Variants in GALNT13 observed in about 807,000 individuals in gnomAD.
GALNT13 encodes polypeptide N-acetylgalactosaminyltransferase 13.
A neutral mutation model predicts 64.2 loss-of-function variants in GALNT13; 28 were observed. The observed-to-expected ratio is 0.44, with a 90% confidence interval of 0.32 to 0.60. The LOEUF is 0.60. GALNT13 is among the 20% of genes least tolerant of loss of function. The pLI is 0.05. For synonymous variants in GALNT13, 214 were observed against 224.6 expected, an observed-to-expected ratio of 0.95 and a Z score of 0.42; for missense variants, 577 against 669.8, an observed-to-expected ratio of 0.86 and a Z score of 1.53.
At chr2:153,801,925 T>G in the GALNT13 span, among the ~76,000 whole-genome samples, 1 of 152,212 alleles carries the variant, frequency 6.6e-6, no homozygotes, top group Non-Finnish European at 1.5e-5. Context: ...TCCTGTGTCT[T>G]TCTGCTTCTA....
rs150167317 is a variant in GALNT13 at position 154,112,395 on chromosome 2, A to G, written c.143-27942A>G. On this transcript the variant is annotated intron_variant, in intron 3 of 12. Coordinates refer to ENST00000392825, the MANE Select transcript of GALNT13 (RefSeq NM_052917.4). ...TGGTGTCCACAGAACGGGTCATCCT[A>G]TTGACTTGATTATTAAAATCCTCCT... is the stretch of plus-strand genomic sequence containing the variant. Among the ~76,000 whole-genome samples, 14 of 152,282 alleles carry G rather than the reference A, an allele frequency of 9.2e-5. No homozygotes were observed. In the East Asian group the frequency reaches 2.7e-3, roughly 29 times the overall value.
chr2:154,226,270 C>T (rs1317314145), intron 4 of GALNT13, among the ~76,000 whole-genome samples: 1 of 152,108 alleles, frequency 6.6e-6, no homozygotes, highest in Non-Finnish European at 1.5e-5. Flanking sequence ...TACAAATTCT[C>T]ACCTTAAGTG....
At chr2:154,068,932 A>C (rs1700604357) in intron 3 of GALNT13, among the ~76,000 whole-genome samples, 2 of 151,958 alleles carry the variant, frequency 1.3e-5, no homozygotes, top group African/African-American at 4.8e-5. Flanking sequence ...AGAAAAGATA[A>C]ATGCTTGAGG....
chr2:154,191,254 C>A (rs1297972237), intron 4 of GALNT13, among the ~76,000 whole-genome samples: 1 of 152,164 alleles, frequency 6.6e-6, no homozygotes, highest in African/African-American at 2.4e-5. Context: ...CACACATTTG[C>A]ACGCGCACGC....
At chr2:154,261,785 T>C (rs1690710869) in intron 8 of GALNT13, among the ~76,000 whole-genome samples, 1 of 152,026 alleles carries the variant, frequency 6.6e-6, no homozygotes, top group Admixed American at 6.6e-5. Flanking sequence ...AGGTTTTTTG[T>C]CTCTGTCATG....
At chr2:153,677,284 TACACACAC>T in the GALNT13 span, among the ~76,000 whole-genome samples, 116 of 144,758 alleles carry the variant, frequency 8.0e-4, 1 homozygote, top group South Asian at 2.5e-3. Context: ...ACAATAGACA[TACACACAC>T]ACACACACAC....
At chr2:153,466,839 A>G in the GALNT13 span, among the ~76,000 whole-genome samples, 1 of 152,034 alleles carries the variant, frequency 6.6e-6, no homozygotes, top group Non-Finnish European at 1.5e-5. Context: ...TTGTATCTAA[A>G]TGTGGTCAAT....
intron 3 of GALNT13, among the ~76,000 whole-genome samples, chr2:153,955,924 C>T (rs1692534234): frequency 6.6e-6 from 1 of 152,154 alleles, no homozygotes; most frequent in Admixed American, 6.5e-5. Context: ...AGGCAGCACA[C>T]TACCGTAGCA....
At chr2:153,819,762 G>A in the GALNT13 span, among the ~76,000 whole-genome samples, 1 of 152,174 alleles carries the variant, frequency 6.6e-6, no homozygotes, top group Admixed American at 6.5e-5. Context: ...GAAGTGCATA[G>A]GGCTTTACAA....
intron 3 of GALNT13, among the ~76,000 whole-genome samples, chr2:154,110,095 T>G (rs1304972561): frequency 6.6e-6 from 1 of 151,710 alleles, no homozygotes; most frequent in Admixed American, 6.6e-5. Flanking sequence ...AGTGAAGGCA[T>G]CATCAGGTTT....
chr2:153,229,504 C>T, the GALNT13 span, among the ~76,000 whole-genome samples: 1 of 152,152 alleles, frequency 6.6e-6, no homozygotes, highest in Non-Finnish European at 1.5e-5. Context: ...AATCATCTGC[C>T]ATTTTTCAGA....
the GALNT13 span, among the ~76,000 whole-genome samples, chr2:153,637,046 C>T: frequency 6.6e-6 from 1 of 151,326 alleles, no homozygotes; most frequent in Admixed American, 6.6e-5. Flanking sequence ...TAATAGGCAC[C>T]AAAAAAAGGT....
the GALNT13 span, among the ~76,000 whole-genome samples, chr2:153,326,843 T>C: frequency 2.0e-5 from 3 of 152,182 alleles, no homozygotes; most frequent in African/African-American, 7.2e-5. Context: ...CCCAACACTT[T>C]GGGAGGCCAA....
At chr2:153,075,671 C>T in the GALNT13 span, among the ~76,000 whole-genome samples, 8 of 152,024 alleles carry the variant, frequency 5.3e-5, no homozygotes, top group Admixed American at 3.3e-4. Context: ...TTATTATTTA[C>T]ATATTTCCAA....
chr2:154,222,975 C>T (rs2105825843), intron 4 of GALNT13, among the ~76,000 whole-genome samples: 1 of 152,076 alleles, frequency 6.6e-6, no homozygotes, highest in East Asian at 1.9e-4. Flanking sequence ...AAAAAAATGC[C>T]AGCTCTAGTT....
chr2:153,325,549 C>T, the GALNT13 span, among the ~76,000 whole-genome samples: 7 of 151,992 alleles, frequency 4.6e-5, no homozygotes, highest in East Asian at 1.9e-4. Flanking sequence ...CTTTTGAATT[C>T]GTTTGCACTT....
the GALNT13 span, among the ~76,000 whole-genome samples, chr2:153,498,033 G>A: frequency 2.0e-5 from 3 of 152,166 alleles, no homozygotes; most frequent in African/African-American, 2.4e-5. Flanking sequence ...CAAACCTGCC[G>A]CTGTCGGGAA....
At chr2:153,845,098 A>G in the GALNT13 span, among the ~76,000 whole-genome samples, 1 of 152,154 alleles carries the variant, frequency 6.6e-6, no homozygotes, top group Admixed American at 6.5e-5. Flanking sequence ...CAACTTTGGC[A>G]TGTTACCAAG....
the GALNT13 span, among the ~76,000 whole-genome samples, chr2:153,524,766 C>T: frequency 2.6e-5 from 4 of 152,268 alleles, no homozygotes; most frequent in Admixed American, 2.6e-4. Flanking sequence ...GCCTGATCAC[C>T]ATGGGCTAAA....
Sources: gnomAD v4.1 joint callset for allele counts (sites outside exome capture counted in the v4.1 genomes callset) on GRCh38, gnomAD v4.1.1 for gene constraint, MANE v1.5 for transcripts, NCBI Gene and HGNC (gene_info 2026-07-23, HGNC 2026-07-21) for gene names.